Variants in MAML3 observed in about 807,000 individuals in gnomAD.
MAML3 encodes the protein mastermind like transcriptional coactivator 3.
In MAML3, 27 loss-of-function variants were observed where a neutral mutation model predicts 101.9. The ratio of observed to expected loss-of-function variants is 0.27; its 90% CI spans 0.20 to 0.37. The LOEUF (loss-of-function observed/expected upper bound fraction) is 0.37. Ranked by LOEUF, MAML3 falls within the 10% of genes least tolerant of loss-of-function variation. The pLI, the probability that MAML3 is intolerant of heterozygous loss-of-function variation, is 1.00. For synonymous variants in MAML3, 501 were observed against 555.9 expected (o/e 0.90, Z 1.39); for missense variants, 1,316 against 1,444.9 (o/e 0.91, Z 1.45).
intron 1 of MAML3, among the ~76,000 whole-genome samples, chr4:139,905,417 G>A (rs907966182): frequency 8.9e-5 from 13 of 145,568 alleles, no homozygotes; most frequent in Admixed American, 3.6e-4. Context: ...GCATGAACCC[G>A]GGAGGCAGAG....
rs148778901 is a variant in MAML3 at position 139,889,812 on chromosome 4, T to C, written c.1624A>G (p.Met542Val). Residue 542 changes from methionine (M) to valine (V), a missense_variant, in exon 2 of 5, where the codon ATG (methionine) becomes GTG (valine). By Grantham distance (21) the Met-to-Val change is conservative. Coordinates refer to ENST00000509479, the MANE Select transcript of MAML3 (RefSeq NM_018717.5). ...TGGTTGTTAAAGGCTTGGGGGTACATCATTGGGCTATTTGGTTTTTCTGCA... is the reference window on the plus strand; with the variant it reads ...TGGTTGTTAAAGGCTTGGGGGTACACCATTGGGCTATTTGGTTTTTCTGCA... ...FTAEKPNSPM[M>V]YPQAFNNQNP... 290 of 1,614,004 alleles carry C rather than the reference T, an allele frequency of 1.8e-4. No homozygotes were observed. In the East Asian group the frequency reaches 5.2e-3, roughly 29 times the overall value.
At chr4:139,830,519 A>G (rs747291785) in intron 2 of MAML3, among the ~76,000 whole-genome samples, 14 of 141,140 alleles carry the variant, frequency 9.9e-5, no homozygotes, top group Non-Finnish European at 1.9e-4. Context: ...GGTTCCCGCC[A>G]TTCTCCTGCC....
intron 1 of MAML3, among the ~76,000 whole-genome samples, chr4:140,022,262 T>A (rs530144108): frequency 6.6e-6 from 1 of 152,346 alleles, no homozygotes; most frequent in South Asian, 2.1e-4. Flanking sequence ...AAATGTTTTT[T>A]TAGTGGGTTA....
intron 2 of MAML3, among the ~76,000 whole-genome samples, chr4:139,859,142 G>A (rs551041420): frequency 6.6e-6 from 1 of 152,020 alleles, no homozygotes; most frequent in East Asian, 1.9e-4. Flanking sequence ...GTCAAATCAT[G>A]TCCCAGGCAT....
chr4:139,892,853 C>T (rs892124051), intron 1 of MAML3, among the ~76,000 whole-genome samples: 1 of 151,270 alleles, frequency 6.6e-6, no homozygotes, highest in Non-Finnish European at 1.5e-5. Context: ...ATGGCATGAA[C>T]CCGGGAGGTG....
chr4:139,762,642 A>G (rs531313450), intron 2 of MAML3, among the ~76,000 whole-genome samples: 1 of 152,348 alleles, frequency 6.6e-6, no homozygotes, highest in East Asian at 1.9e-4. Context: ...ATGGGAATAC[A>G]AAACTTATGT....
intron 2 of MAML3, among the ~76,000 whole-genome samples, chr4:139,854,246 G>A (rs1731614327): frequency 6.6e-6 from 1 of 152,046 alleles, no homozygotes. Flanking sequence ...TGCCTGGCAT[G>A]TAGAAGTGTT....
intron 2 of MAML3, among the ~76,000 whole-genome samples, chr4:139,885,926 C>G (rs59658251): frequency 0.1 from 5,069 of 49,440 alleles, 470 homozygotes; most frequent in African/African-American, 0.25. Context: ...GGGCAAGACT[C>G]CGTCTCAAAA....
rs1035323140 is a variant in MAML3, at chr4:139,890,315, G to A, written c.1121C>T (p.Pro374Leu). The A allele has an allele frequency of 1.2e-6, 2 of 1,613,102 alleles. No homozygotes were observed. The highest frequency in any genetic ancestry group is 1.7e-6 in the Non-Finnish European group (2 of 1,179,394). ...SPFAHVSMGS[P>L]QARPSSSGPP... The stretch of plus-strand genomic sequence containing the variant: ...ACCAGAAGAAGAAGGCCTCGCCTGG[G>A]GAGATCCCATGGAGACATGTGCGAA... The change falls in exon 2 of 5, where the codon CCC becomes CTC. Residue 374 changes from proline (P) to leucine (L), a missense_variant. Coordinates refer to ENST00000509479, the MANE Select transcript of MAML3 (RefSeq NM_018717.5). The surrounding 1 kb of genome is among the most constrained non-coding windows in gnomAD (Gnocchi z 4.1).
At chr4:139,873,108 T>TAA (rs1732047180) in intron 2 of MAML3, among the ~76,000 whole-genome samples, 1 of 151,870 alleles carries the variant, frequency 6.6e-6, no homozygotes, top group African/African-American at 2.4e-5. Flanking sequence ...AATAAATAAA[T>TAA]AAATAATCAC....
At chr4:140,092,329 C>T (rs1219639129) in intron 1 of MAML3, among the ~76,000 whole-genome samples, 1 of 151,680 alleles carries the variant, frequency 6.6e-6, no homozygotes, top group Admixed American at 6.6e-5. Context: ...CACCGGTTTC[C>T]AAAATTCTAA....
chr4:140,048,473 G>C (rs146653322), intron 1 of MAML3, among the ~76,000 whole-genome samples: 1 of 152,098 alleles, frequency 6.6e-6, no homozygotes. Context: ...AAAAACAGTG[G>C]GTGCCTTCAC....
At chr4:140,102,010 A>G (rs993583339) in intron 1 of MAML3, among the ~76,000 whole-genome samples, 37 of 152,230 alleles carry the variant, frequency 2.4e-4, no homozygotes, top group African/African-American at 8.7e-4. Flanking sequence ...TGTGTCTTCT[A>G]AGAGCCATCA....
At chr4:139,893,594 A>T (rs1732546299) in intron 1 of MAML3, among the ~76,000 whole-genome samples, 1 of 152,184 alleles carries the variant, frequency 6.6e-6, no homozygotes, top group East Asian at 1.9e-4. Context: ...CACAGGGCTA[A>T]GAGAAGAGTT....
chr4:139,950,743 A>C (rs1733817679), intron 1 of MAML3, among the ~76,000 whole-genome samples: 1 of 152,212 alleles, frequency 6.6e-6, no homozygotes, highest in Admixed American at 6.5e-5. Context: ...AAAGACATAC[A>C]GCCTGGTCTG....
intron 1 of MAML3, among the ~76,000 whole-genome samples, chr4:140,094,731 G>A (rs185459349): frequency 1.2e-3 from 177 of 152,236 alleles, no homozygotes; most frequent in African/African-American, 3.9e-3. Context: ...GTAAAAATGC[G>A]GCTTCAAGCT....
chr4:140,042,567 G>C (rs866660295), intron 1 of MAML3, among the ~76,000 whole-genome samples: 26 of 152,270 alleles, frequency 1.7e-4, no homozygotes, highest in Admixed American at 2.0e-4. Flanking sequence ...CCTGGAGGCG[G>C]AGGTTACAGT....
At chr4:140,008,991 G>C (rs1351833527) in intron 1 of MAML3, among the ~76,000 whole-genome samples, 1 of 151,978 alleles carries the variant, frequency 6.6e-6, no homozygotes, top group Non-Finnish European at 1.5e-5. Context: ...TATCTAAAAG[G>C]GTCATCTTTC....
At chr4:140,047,192 C>G (rs1045096312) in intron 1 of MAML3, among the ~76,000 whole-genome samples, 2 of 152,124 alleles carry the variant, frequency 1.3e-5, no homozygotes, top group African/African-American at 4.8e-5. Flanking sequence ...GGGGACAAAG[C>G]AGAGGACTGA....
Sources: gnomAD v4.1 joint callset for allele counts (sites outside exome capture counted in the v4.1 genomes callset) on GRCh38, gnomAD v4.1.1 for gene constraint, Gnocchi (gnomAD v3.1) non-coding constraint, MANE v1.5 for transcripts, NCBI Gene and HGNC (gene_info 2026-07-23, HGNC 2026-07-21) for gene names.